BTBD9: variants seen among roughly 807,000 people sequenced by gnomAD.
BTBD9 encodes BTB/POZ domain-containing protein 9.
A neutral mutation model predicts 64.3 loss-of-function variants in BTBD9; 49 were observed. The ratio of observed to expected loss-of-function variants is 0.76; its 90% CI spans 0.61 to 0.97. BTBD9 has a LOEUF of 0.97. Ranked by LOEUF, BTBD9 falls within the 50% of genes least tolerant of loss-of-function variation. The pLI is 0.00. For synonymous variants in BTBD9, 260 were observed against 274.7 expected, an observed-to-expected ratio of 0.95 and a Z score of 0.53; for missense variants, 598 against 762.1, an observed-to-expected ratio of 0.78 and a Z score of 2.53.
intron 7 of BTBD9, among the ~76,000 whole-genome samples, chr6:38,321,625 T>C (rs1390474731): frequency 6.6e-6 from 1 of 152,204 alleles, no homozygotes; most frequent in Non-Finnish European, 1.5e-5. Flanking sequence ...TGGTTTTCCT[T>C]GCCATAAGTT....
chr6:38,414,296 G>A (rs1291354014), intron 6 of BTBD9, among the ~76,000 whole-genome samples: 1 of 152,062 alleles, frequency 6.6e-6, no homozygotes, highest in Non-Finnish European at 1.5e-5. Context: ...CATAACTACT[G>A]GGGTCATCCA....
intron 6 of BTBD9, among the ~76,000 whole-genome samples, chr6:38,486,117 GT>G (rs1771394768): frequency 3.3e-5 from 5 of 152,176 alleles, no homozygotes; most frequent in Non-Finnish European, 5.9e-5. Context: ...CTAAGCTTTT[GT>G]TTTGCACCTT....
At chr6:38,611,702 T>C (rs1031485616) in intron 1 of BTBD9, among the ~76,000 whole-genome samples, 7 of 152,182 alleles carry the variant, frequency 4.6e-5, no homozygotes, top group Non-Finnish European at 7.4e-5. Flanking sequence ...TTATAAAATA[T>C]ACATACCCAT....
At position 38,369,834 on chromosome 6, in the gene BTBD9, T is replaced by C. The variant is rs540036247; in HGVS notation, c.1155-24741A>G. ...TGGAATTAGCAATTAGGATTCTAGC[T>C]AGTTGGTTGGTGTTTCTTGAATTGG... On this transcript the variant is annotated intron_variant, in intron 6 of 10. Transcript: ENST00000481247. Among the ~76,000 whole-genome samples the C allele has an allele frequency of 1.6e-4, 25 of 152,310 alleles. No homozygotes were observed. In the South Asian group the frequency reaches 5.2e-3, roughly 32 times the overall value.
chr6:38,379,915 G>A (rs742515), intron 6 of BTBD9, among the ~76,000 whole-genome samples: 63,541 of 151,978 alleles, frequency 0.42, 16,728 homozygotes, highest in East Asian at 0.95. Flanking sequence ...ATTAATAGAA[G>A]GTGACTACAA....
chr6:38,549,676 C>A (rs1219201386), intron 6 of BTBD9, among the ~76,000 whole-genome samples: 1 of 152,114 alleles, frequency 6.6e-6, no homozygotes, highest in African/African-American at 2.4e-5. Flanking sequence ...TGCAGCTAAG[C>A]CTTCAGAGTA....
At chr6:38,634,287 CAA>C (rs1778458907) in intron 1 of BTBD9, among the ~76,000 whole-genome samples, 2 of 152,118 alleles carry the variant, frequency 1.3e-5, no homozygotes, top group Non-Finnish European at 2.9e-5. Flanking sequence ...TGCTATATGC[CAA>C]AAGTCTTCAG....
chr6:38,236,527 C>T (rs12202202), intron 9 of BTBD9, among the ~76,000 whole-genome samples: 14,286 of 152,232 alleles, frequency 0.094, 881 homozygotes, highest in Non-Finnish European at 0.14. Context: ...AGCCAACACA[C>T]GCAGGTCTGT....
intron 6 of BTBD9, among the ~76,000 whole-genome samples, chr6:38,444,108 C>T (rs1420727423): frequency 6.6e-6 from 1 of 152,088 alleles, no homozygotes; most frequent in Admixed American, 6.5e-5. Context: ...TTTGCCTTTC[C>T]TTATCTACCT....
intron 8 of BTBD9, among the ~76,000 whole-genome samples, chr6:38,283,043 T>C (rs1761580434): frequency 6.6e-6 from 1 of 152,240 alleles, no homozygotes; most frequent in Admixed American, 6.5e-5. Context: ...GTAAATTTTG[T>C]TGAATGAATC....
chr6:38,314,546 C>CT (rs1270122044), intron 7 of BTBD9, among the ~76,000 whole-genome samples: 1 of 152,060 alleles, frequency 6.6e-6, no homozygotes, highest in African/African-American at 2.4e-5. Context: ...ATTAGTTCTT[C>CT]TTTAAGTATT....
intron 6 of BTBD9, among the ~76,000 whole-genome samples, chr6:38,492,850 T>C (rs1771766981): frequency 6.6e-6 from 1 of 152,304 alleles, no homozygotes; most frequent in Admixed American, 6.5e-5. Flanking sequence ...ACAGTACCAC[T>C]GCATAAAAAA....
At chr6:38,310,651 G>GT (rs957704165) in intron 7 of BTBD9, among the ~76,000 whole-genome samples, 10 of 151,890 alleles carry the variant, frequency 6.6e-5, no homozygotes, top group African/African-American at 1.9e-4. Context: ...GGATACAGTA[G>GT]TTTTTTTTAT....
chr6:38,612,112 T>C (rs1407866416), intron 1 of BTBD9, among the ~76,000 whole-genome samples: 1 of 152,212 alleles, frequency 6.6e-6, no homozygotes, highest in Non-Finnish European at 1.5e-5. Flanking sequence ...TGTTTCTAGA[T>C]GGTGCATAGG....
intron 6 of BTBD9, chr6:38,571,790 C>T (rs959156615): frequency 2.6e-5 from 4 of 152,378 alleles, no homozygotes; most frequent in African/African-American, 9.7e-5. Flanking sequence ...AAGGCCCCAT[C>T]TCTACTAAAA....
intron 6 of BTBD9, among the ~76,000 whole-genome samples, chr6:38,408,368 A>AACAC (rs1767264527): frequency 6.6e-6 from 1 of 151,600 alleles, no homozygotes; most frequent in African/African-American, 2.4e-5. Context: ...AAACAAAACA[A>AACAC]AACCAAAAAA....
intron 4 of BTBD9, chr6:38,587,418 T>C: frequency 1.9e-6 from 1 of 526,108 alleles, no homozygotes. Context: ...AAGATATTAA[T>C]ATTACTTATG....
intron 9 of BTBD9, among the ~76,000 whole-genome samples, chr6:38,203,763 AG>A (rs1762543239): frequency 6.6e-6 from 1 of 151,468 alleles, no homozygotes; most frequent in Admixed American, 6.6e-5. Context: ...TGAAGGTGGA[AG>A]GGGGAAATGA....
intron 2 of BTBD9, 45 bp from the exon 3 acceptor site, chr6:38,594,372 T>C: frequency 6.6e-7 from 1 of 1,524,828 alleles, no homozygotes; most frequent in Non-Finnish European, 8.8e-7. Flanking sequence ...TCAAATAGGA[T>C]TTGCTACAAA....
Sources: allele counts gnomAD v4.1 joint callset (sites outside exome capture counted in the v4.1 genomes callset), GRCh38; gene constraint gnomAD v4.1.1; transcripts MANE v1.5; gene names NCBI Gene and HGNC (gene_info 2026-07-23, HGNC 2026-07-21).